Variants in UBE2R2 observed in about 807,000 individuals in gnomAD.
The protein encoded by UBE2R2 is ubiquitin conjugating enzyme E2 R2.
UBE2R2 carries 1 observed loss-of-function variant against 27.8 expected under a neutral mutation model. That is an observed-to-expected ratio of 0.04 (90% CI 0.01 to 0.17). UBE2R2 has a LOEUF of 0.17. UBE2R2 is among the 10% of genes least tolerant of loss of function. The pLI is 1.00. For synonymous variants in UBE2R2, 106 were observed against 113.3 expected, an observed-to-expected ratio of 0.94 and a Z score of 0.41; for missense variants, 100 against 291.0, an observed-to-expected ratio of 0.34 and a Z score of 4.78.
At chr9:33,916,296 AC>A (rs1324889120) in intron 4 of UBE2R2, among the ~76,000 whole-genome samples, 1 of 152,110 alleles carries the variant, frequency 6.6e-6, no homozygotes, top group Non-Finnish European at 1.5e-5. Context: ...GGCCGAGATC[AC>A]GCCGCTGCAC....
chr9:33,884,198 A>ATCTCTC (rs777923492), intron 1 of UBE2R2, among the ~76,000 whole-genome samples: 3,706 of 63,408 alleles, frequency 0.058, 319 homozygotes, highest in African/African-American at 0.068. Context: ...CAACTTAAGA[A>ATCTCTC]TCTCTCTCTC....
intron 2 of UBE2R2, among the ~76,000 whole-genome samples, chr9:33,896,031 C>T: frequency 6.6e-6 from 1 of 152,026 alleles, no homozygotes; most frequent in East Asian, 1.9e-4. Context: ...CCCCGGCCCC[C>T]CAAAGTGCTG....
intron 1 of UBE2R2, among the ~76,000 whole-genome samples, chr9:33,863,200 AAAAAG>A (rs1821283403): frequency 6.6e-6 from 1 of 151,248 alleles, no homozygotes; most frequent in South Asian, 2.1e-4. Flanking sequence ...AAAAAAAAAA[AAAAAG>A]AAGAAGAAAA....
chr9:33,816,898 G>A (rs906119627), upstream of UBE2R2, among the ~76,000 whole-genome samples: 1 of 152,242 alleles, frequency 6.6e-6, no homozygotes, highest in African/African-American at 2.4e-5. Context: ...CAATCCCTGC[G>A]CCCGCCCTTG....
At position 33,838,952 on chromosome 9, in the gene UBE2R2, C is replaced by T. The variant is rs139873309; in HGVS notation, c.177+21018C>T. Among the ~76,000 whole-genome samples the T allele has an allele frequency of 3.3e-3, 507 of 151,818 alleles. 17 individuals are homozygous for T. The East Asian group carries it at 0.078, about 23-fold the overall frequency. On this transcript the variant is annotated intron_variant, in intron 1 of 4. Coordinates refer to ENST00000263228, the MANE Select transcript of UBE2R2 (RefSeq NM_017811.4). ...CAAAAACTAGCCGAGCATGGTGGAGCGCACCTGTAATCCCAGCTACTCGGG... is the reference window on the plus strand; with the variant it reads ...CAAAAACTAGCCGAGCATGGTGGAGTGCACCTGTAATCCCAGCTACTCGGG...
intron 3 of UBE2R2, 24 bp from the exon 4 acceptor site, chr9:33,911,940 C>T (rs759306410): frequency 1.2e-6 from 2 of 1,603,730 alleles, no homozygotes; most frequent in Admixed American, 1.7e-5. Flanking sequence ...GTATTCATAG[C>T]TGATCCTTTT....
intron 4 of UBE2R2, among the ~76,000 whole-genome samples, chr9:33,913,718 A>T (rs1245770164): frequency 2.6e-5 from 4 of 152,238 alleles, no homozygotes; most frequent in African/African-American, 9.6e-5. Flanking sequence ...AAAAAAGTTA[A>T]AACAATGCTG....
intron 1 of UBE2R2, among the ~76,000 whole-genome samples, chr9:33,851,199 TTACAAA>T (rs1160075467): frequency 6.3e-4 from 95 of 151,718 alleles, no homozygotes; most frequent in African/African-American, 2.3e-3. Flanking sequence ...AACCACAAAC[TTACAAA>T]TTCAAAGAAC....
chr9:33,912,828 T>C (rs1822523140), intron 4 of UBE2R2, among the ~76,000 whole-genome samples: 1 of 152,132 alleles, frequency 6.6e-6, no homozygotes, highest in African/African-American at 2.4e-5. Flanking sequence ...TTCTCCTCTG[T>C]ATAAAATGGA....
chr9:33,846,514 CTCTT>C (rs1820850479), intron 1 of UBE2R2, among the ~76,000 whole-genome samples: 2 of 152,082 alleles, frequency 1.3e-5, no homozygotes, highest in South Asian at 4.1e-4. Context: ...CTCTCTCTCT[CTCTT>C]TTTTGGTTTT....
chr9:33,816,942 G>C (rs926574477), upstream of UBE2R2, among the ~76,000 whole-genome samples: 1 of 152,316 alleles, frequency 6.6e-6, no homozygotes, highest in South Asian at 2.1e-4. Context: ...TATGGGCGGG[G>C]GACACGCGCC....
chr9:33,873,966 T>G (rs1185400255), intron 1 of UBE2R2, among the ~76,000 whole-genome samples: 1 of 139,624 alleles, frequency 7.2e-6, no homozygotes, highest in African/African-American at 2.8e-5. Context: ...TTTTTTTTTT[T>G]GGATGGAATT....
At chr9:33,829,275 T>C (rs1027386119) in intron 1 of UBE2R2, among the ~76,000 whole-genome samples, 3 of 152,180 alleles carry the variant, frequency 2.0e-5, no homozygotes, top group Admixed American at 6.5e-5. Context: ...ATTAGCAAAT[T>C]GATTTCTTTA....
At chr9:33,872,339 G>T (rs2130781255) in intron 1 of UBE2R2, among the ~76,000 whole-genome samples, 1 of 152,240 alleles carries the variant, frequency 6.6e-6, no homozygotes, top group Non-Finnish European at 1.5e-5. Flanking sequence ...GCTGCAGTGA[G>T]CTGTGATCAT....
intron 1 of UBE2R2, among the ~76,000 whole-genome samples, chr9:33,884,743 C>T (rs995440402): frequency 8.6e-5 from 13 of 151,858 alleles, no homozygotes; most frequent in Admixed American, 6.6e-4. Flanking sequence ...AACTTGAATA[C>T]TTAGGTTTCC....
At chr9:33,858,566 T>C (rs1231590143) in intron 1 of UBE2R2, among the ~76,000 whole-genome samples, 2 of 151,886 alleles carry the variant, frequency 1.3e-5, no homozygotes, top group Admixed American at 1.3e-4. Context: ...CCACCACACC[T>C]GGCTTTTTGT....
chr9:33,838,002 A>G (rs1245879567), intron 1 of UBE2R2, among the ~76,000 whole-genome samples: 2 of 152,196 alleles, frequency 1.3e-5, no homozygotes, highest in Non-Finnish European at 2.9e-5. Flanking sequence ...TATGTCTCAT[A>G]TATAAGCCAT....
intron 1 of UBE2R2, among the ~76,000 whole-genome samples, chr9:33,882,863 C>T (rs568327620): frequency 6.6e-6 from 1 of 152,058 alleles, no homozygotes; most frequent in East Asian, 1.9e-4. Context: ...CTGAGGTGGA[C>T]GGATCACCTG....
chr9:33,861,719 T>G (rs867642905), intron 1 of UBE2R2, among the ~76,000 whole-genome samples: 2 of 152,210 alleles, frequency 1.3e-5, no homozygotes, highest in African/African-American at 2.4e-5. Flanking sequence ...CAGTAACATA[T>G]TTAAGGTAAA....
Sources: allele counts gnomAD v4.1 joint callset (sites outside exome capture counted in the v4.1 genomes callset), GRCh38; gene constraint gnomAD v4.1.1; transcripts MANE v1.5; gene names NCBI Gene and HGNC (gene_info 2026-07-23, HGNC 2026-07-21).